Variants in C12orf42 observed in about 807,000 individuals in gnomAD.
C12orf42 encodes chromosome 12 open reading frame 42.
Under a neutral mutation model 21.6 loss-of-function variants are expected in C12orf42, and 25 were observed. The observed-to-expected ratio is 1.16, with a 90% confidence interval of 0.84 to 1.62. C12orf42 has a LOEUF of 1.62. Ranked by LOEUF, C12orf42 falls within the 40% of genes most tolerant of loss-of-function variation. C12orf42 has a pLI of 0.00. For synonymous variants in C12orf42, 174 were observed against 175.0 expected (o/e 0.99, Z 0.05); for missense variants, 483 against 459.3 (o/e 1.05, Z -0.47).
chr12:103,068,939 A>C, the C12orf42 span, among the ~76,000 whole-genome samples: 340 of 9,700 alleles, frequency 0.035, 6 homozygotes, highest in Non-Finnish European at 0.046. Flanking sequence ...CTCCACATAT[A>C]TATATATATA....
chr12:103,187,757 T>G, the C12orf42 span, among the ~76,000 whole-genome samples: 2 of 152,214 alleles, frequency 1.3e-5, no homozygotes, highest in Non-Finnish European at 2.9e-5. Flanking sequence ...AGATTTGCCA[T>G]GGAATAAAGT....
chr12:103,349,988 T>A (rs1051284900), intron 4 of C12orf42, among the ~76,000 whole-genome samples: 3 of 152,138 alleles, frequency 2.0e-5, no homozygotes, highest in African/African-American at 7.2e-5. Flanking sequence ...AAAATACAAA[T>A]TGAAGAATAT....
At chr12:103,144,569 T>G in the C12orf42 span, among the ~76,000 whole-genome samples, 2 of 152,230 alleles carry the variant, frequency 1.3e-5, no homozygotes, top group African/African-American at 4.8e-5. Flanking sequence ...CTTTCATCAC[T>G]GCAAGGCAGT....
chr12:103,218,720 C>G, the C12orf42 span, among the ~76,000 whole-genome samples: 2 of 152,030 alleles, frequency 1.3e-5, no homozygotes, highest in African/African-American at 4.8e-5. Flanking sequence ...GTTACATGCA[C>G]TAATAAAGGA....
At chr12:103,524,690 T>C in the C12orf42 span, among the ~76,000 whole-genome samples, 1 of 152,182 alleles carries the variant, frequency 6.6e-6, no homozygotes, top group African/African-American at 2.4e-5. Flanking sequence ...CCTGGCAAGG[T>C]AGCCCATGAT....
At chr12:103,456,757 G>A (rs1592894926) in intron 2 of C12orf42, among the ~76,000 whole-genome samples, 1 of 152,090 alleles carries the variant, frequency 6.6e-6, no homozygotes, top group Non-Finnish European at 1.5e-5. Flanking sequence ...AAACTGCATT[G>A]TGGTTTTCCT....
At chr12:103,419,315 T>C (rs2049656792) in intron 2 of C12orf42, among the ~76,000 whole-genome samples, 1 of 152,180 alleles carries the variant, frequency 6.6e-6, no homozygotes, top group Non-Finnish European at 1.5e-5. Context: ...AGCAAAGGTG[T>C]AAATTTTTAA....
chr12:103,330,565 C>T lies in C12orf42; in HGVS notation c.260-24220G>A, dbSNP rs17033712. Among the ~76,000 whole-genome samples, 2,044 of 152,204 alleles carry T rather than the reference C, an allele frequency of 0.013. 135 individuals carry two copies. The East Asian group carries it at 0.22, about 17-fold the overall frequency. On this transcript the variant is annotated intron_variant, in intron 4 of 5. Transcript: ENST00000548883. ...TGGGACTGAATTTGTTTCAGATAGT[C>T]GGCCATGAAAAGCATGACTCTATGT...
chr12:103,063,383 A>G, the C12orf42 span, among the ~76,000 whole-genome samples: 1 of 152,172 alleles, frequency 6.6e-6, no homozygotes, highest in Non-Finnish European at 1.5e-5. Flanking sequence ...TTAGTATTAA[A>G]GTGACAGCAT....
chr12:103,488,847 C>T (rs144605591), intron 1 of C12orf42, among the ~76,000 whole-genome samples: 2,014 of 152,260 alleles, frequency 0.013, 46 homozygotes, highest in African/African-American at 0.046. Context: ...GTTAGCCATT[C>T]GTCTAACCTT....
the C12orf42 span, among the ~76,000 whole-genome samples, chr12:103,134,445 C>A: frequency 2.0e-5 from 3 of 151,812 alleles, no homozygotes; most frequent in African/African-American, 7.3e-5. Flanking sequence ...CATTCTAGAA[C>A]TGAAAAATTC....
chr12:103,212,367 A>T, the C12orf42 span, among the ~76,000 whole-genome samples: 3 of 152,092 alleles, frequency 2.0e-5, no homozygotes, highest in Non-Finnish European at 4.4e-5. Context: ...TTTCATTTAG[A>T]TGTTTTCCTT....
At chr12:103,513,030 C>T in the C12orf42 span, among the ~76,000 whole-genome samples, 1 of 151,566 alleles carries the variant, frequency 6.6e-6, no homozygotes, top group East Asian at 1.9e-4. Flanking sequence ...AGATAGTAGA[C>T]ACCCACTCCT....
chr12:103,291,348 T>C (rs932802249), intron 4 of C12orf42, among the ~76,000 whole-genome samples: 3 of 152,306 alleles, frequency 2.0e-5, no homozygotes, highest in East Asian at 1.9e-4. Flanking sequence ...TTAAAGGAGA[T>C]ACCAATGCGG....
chr12:103,409,902 T>C (rs550704673), intron 2 of C12orf42, among the ~76,000 whole-genome samples: 3 of 152,332 alleles, frequency 2.0e-5, no homozygotes, highest in African/African-American at 7.2e-5. Flanking sequence ...CTAAATGTGT[T>C]TTATGAAACC....
chr12:103,546,703 G>A, the C12orf42 span, among the ~76,000 whole-genome samples: 1 of 152,194 alleles, frequency 6.6e-6, no homozygotes. Context: ...AATGACAGGG[G>A]TTAGGACATG....
chr12:103,174,046 T>C, the C12orf42 span, among the ~76,000 whole-genome samples: 1 of 152,216 alleles, frequency 6.6e-6, no homozygotes, highest in Non-Finnish European at 1.5e-5. Flanking sequence ...GCTCATTTCT[T>C]GAAACAACAC....
chr12:103,460,984 G>T (rs7137784), intron 2 of C12orf42, among the ~76,000 whole-genome samples: 89,704 of 151,964 alleles, frequency 0.59, 27,659 homozygotes, highest in Admixed American at 0.7. Context: ...GTCTGTTGTA[G>T]ATTTGTTGTA....
chr12:103,238,438 G>A (rs1359936526), intron 10 of C12orf42, among the ~76,000 whole-genome samples: 1 of 152,118 alleles, frequency 6.6e-6, no homozygotes, highest in Non-Finnish European at 1.5e-5. Flanking sequence ...CAGAATCTCA[G>A]GCCTACTGTA....
Sources: gnomAD v4.1 joint callset for allele counts (sites outside exome capture counted in the v4.1 genomes callset) on GRCh38, gnomAD v4.1.1 for gene constraint, MANE v1.5 for transcripts, NCBI Gene and HGNC (gene_info 2026-07-23, HGNC 2026-07-21) for gene names.